UCHL1: variants seen among roughly 807,000 people sequenced by gnomAD.
The protein encoded by UCHL1 is ubiquitin C-terminal hydrolase L1.
Under a neutral mutation model 33.3 loss-of-function variants are expected in UCHL1, and 5 were observed. The ratio of observed to expected loss-of-function variants is 0.15; its 90% confidence interval spans 0.08 to 0.32. The LOEUF is 0.32. UCHL1 is among the 10% of genes least tolerant of loss of function. The pLI, the probability that UCHL1 is intolerant of heterozygous loss-of-function variation, is 1.00. For missense variants in UCHL1, 236 were observed against 280.0 expected, an observed-to-expected ratio of 0.84 and a Z score of 1.12; for synonymous variants, 132 against 108.8, an observed-to-expected ratio of 1.21 and a Z score of -1.33.
chr4:41,257,823 C>T (rs1252906905), intron 3 of UCHL1, 86 bp downstream of exon 3: 3 of 1,497,080 alleles, frequency 2.0e-6, no homozygotes, highest in Non-Finnish European at 1.8e-6. Context: ...CCGCCCCGCC[C>T]CCTCCCCTGT....
At chr4:41,264,213 A>C in intron 8 of UCHL1, 52 bp downstream of exon 8, 1 of 1,610,442 alleles carries the variant, frequency 6.2e-7, no homozygotes, top group Non-Finnish European at 8.5e-7. Flanking sequence ...TCTTTGGCTA[A>C]ATTTTCTATT....
In UCHL1 at chr4:41,268,032, G is replaced by C; in HGVS notation, c.631G>C (p.Glu211Gln). ...AGAATTCACCGAGCGTGAGCAAGGA[G>C]AAGTCCGCTTCTCTGCCGTGGCTCT... is the stretch of plus-strand genomic sequence containing the variant. ...CREFTEREQG[E>Q]VRFSAVALCK... Residue 211 changes from glutamate to glutamine, a missense_variant, in exon 9 of 9, where the codon GAA (glutamate) becomes CAA (glutamine). By Grantham distance (29) the Glu-to-Gln change is conservative. Coordinates refer to ENST00000284440, the MANE Select transcript of UCHL1 (RefSeq NM_004181.5). The C allele has an allele frequency of 1.2e-6, 2 of 1,613,722 alleles. No homozygotes were observed. The highest frequency in any genetic ancestry group is 1.7e-6 in the Non-Finnish European group (2 of 1,179,878).
rs1780984602 is a variant in UCHL1, at chr4:41,256,987, A to G, written c.11A>G (p.Lys4Arg). Residue 4 changes from lysine to arginine, a missense_variant, in exon 1 of 9, where the codon AAG becomes AGG. Coordinates refer to ENST00000284440, the MANE Select transcript of UCHL1 (RefSeq NM_004181.5). The part of the protein sequence containing the change: MQL[K>R]PMEINPEMLN... ...GGGCGCTCCGCGAAGATGCAGCTCA[A>G]GCCGATGGAGATCAACCCCGAGGTG... The G allele has an allele frequency of 1.9e-6, 3 of 1,614,074 alleles. No individual in the cohort carries two copies. Among genetic ancestry groups the G allele is most frequent in the Admixed American group, 3.3e-5 (2 of 60,014 alleles).
At chr4:41,266,685 A>G (rs776028347) in intron 8 of UCHL1, among the ~76,000 whole-genome samples, 1 of 152,140 alleles carries the variant, frequency 6.6e-6, no homozygotes, top group Admixed American at 6.5e-5. Flanking sequence ...CAGTGGTGCA[A>G]TCATGGCTTA....
intron 8 of UCHL1, among the ~76,000 whole-genome samples, chr4:41,267,515 G>A (rs368437882): frequency 6.6e-6 from 1 of 152,128 alleles, no homozygotes; most frequent in Non-Finnish European, 1.5e-5. Flanking sequence ...CAAAGTGCTG[G>A]GATTACAGGC....
chr4:41,257,134 G>GCGTCTCGCGC lies in UCHL1; in HGVS notation c.45+15_45+24dup, dbSNP rs781732745. On this transcript the variant is annotated intron_variant, in intron 2 of 8. Coordinates refer to ENST00000284440, the MANE Select transcript of UCHL1 (RefSeq NM_004181.5). Reference sequence around the variant, plus strand: ...TTTCAGATGCTGAACAAAGTGAGTGGCGTCTCGCGCCGTCTCTGGCCCCCT... The same window carrying GCGTCTCGCGC: ...TTTCAGATGCTGAACAAAGTGAGTGGCGTCTCGCGCCGTCTCGCGCCGTCTCTGGCCCCCT... 138 of 1,612,596 alleles carry GCGTCTCGCGC rather than the reference G, an allele frequency of 8.6e-5. No individual in the cohort carries two copies. In the African/African-American group the frequency reaches 1.5e-3, roughly 18 times the overall value.
intron 3 of UCHL1, among the ~76,000 whole-genome samples, chr4:41,258,095 C>T (rs1781012997): frequency 6.6e-6 from 1 of 152,218 alleles, no homozygotes; most frequent in Admixed American, 6.5e-5. Context: ...CCTTTAAGGG[C>T]TATAACCTGT....
chr4:41,268,329 G>A lies in UCHL1; in HGVS notation c.*256G>A, dbSNP rs886389553. The A allele has an allele frequency of 4.9e-5, 26 of 534,754 alleles. No individual in the cohort carries two copies. Among genetic ancestry groups the A allele is most frequent in the African/African-American group, 3.8e-4 (20 of 52,720 alleles). The allele number at this position is 534,754 out of a possible 1,614,324, so 33.1% of individuals were successfully genotyped here. On this transcript the variant is annotated 3_prime_UTR_variant, in exon 9 of 9. Transcript: ENST00000284440. ...GTATGTCTTGTATCCGATATCTAAC[G>A]CTTTAAATGGCTACTTTGGTTTCTG...
rs1192631070 is a variant in UCHL1 at position 41,260,784 on chromosome 4, C to T, written c.312C>T (p.Asp104=). The T allele has an allele frequency of 6.2e-7, 1 of 1,614,148 alleles. No individual in the cohort carries two copies. The change falls in exon 4 of 9, where the codon GAC becomes GAT. Residue 104 remains aspartate (D), a synonymous_variant. Transcript: ENST00000284440. ...GLIHAVANNQ[D]KLGFEDGSVL... is the part of the protein sequence containing the mutation. ...TTCACGCAGTGGCCAATAATCAAGA[C>T]AAACTGGGATTTGGTAGGTGTGGGT...
chr4:41,257,705 G>T lies in UCHL1; in HGVS notation c.142G>T (p.Ala48Ser). Residue 48 changes from alanine to serine, a missense_variant, in exon 3 of 9, where the codon GCG (alanine) becomes TCG (serine). Physicochemically the swap from Ala to Ser is moderately conservative, Grantham distance 99. Transcript: ENST00000284440. The stretch of plus-strand genomic sequence containing the variant: ...GGGCTCGGTGCCAGCGCCTGCCTGC[G>T]CGCTGCTGCTGCTGTTTCCCCTCAC... The part of the protein sequence containing the change: ...SLGSVPAPAC[A>S]LLLLFPLTAQ... 2 of 1,580,662 alleles carry T rather than the reference G, an allele frequency of 1.3e-6. No homozygotes were observed. The highest frequency in any genetic ancestry group is 8.6e-7 in the Non-Finnish European group (1 of 1,166,898).
intron 4 of UCHL1, among the ~76,000 whole-genome samples, chr4:41,261,076 CTT>C (rs1301717854): frequency 1.3e-5 from 2 of 152,160 alleles, no homozygotes; most frequent in Non-Finnish European, 2.9e-5. Flanking sequence ...ATTAGTGTCT[CTT>C]AAGCATTTTG....
Position 41,257,017 on chromosome 4 carries a change from CCAGGTG to C in UCHL1, c.33+11_33+16del. 3 of 1,614,208 alleles carry C rather than the reference CCAGGTG, an allele frequency of 1.9e-6. No individual in the cohort carries two copies. Among genetic ancestry groups the C allele is most frequent in the Admixed American group, 1.7e-5 (1 of 60,036 alleles). On this transcript the variant is annotated intron_variant, in intron 1 of 8. Coordinates refer to ENST00000284440, the MANE Select transcript of UCHL1 (RefSeq NM_004181.5). ...ATGGAGATCAACCCCGAGGTGAGCG[CCAGGTG>C]CACCGCTACCCGGAGAGCGCGAGGC...
chr4:41,267,542 G>A (rs767661507), intron 8 of UCHL1, among the ~76,000 whole-genome samples: 3 of 152,142 alleles, frequency 2.0e-5, no homozygotes, highest in Non-Finnish European at 2.9e-5. Context: ...CACTGCGCCC[G>A]GCCACGTTAA....
chr4:41,263,903 A>G (rs986548941), intron 7 of UCHL1, among the ~76,000 whole-genome samples, 200 bp from the exon 8 acceptor site: 2 of 152,206 alleles, frequency 1.3e-5, no homozygotes, highest in Non-Finnish European at 2.9e-5. Flanking sequence ...CGATCTTGTC[A>G]ATTGTAGACT....
chr4:41,257,756 G>T lies in UCHL1; in HGVS notation c.174+19G>T. On this transcript the variant is annotated intron_variant, in intron 3 of 8. Transcript: ENST00000284440. ...GGCCCAGGTAGGGCGTGGGGCCCAG[G>T]ATGCGCCGGCCGCCGGCAGTGCACG... The T allele has an allele frequency of 6.4e-7, 1 of 1,561,062 alleles. No homozygotes were observed.
At chr4:41,263,594 A>G (rs1409573442) in intron 7 of UCHL1, among the ~76,000 whole-genome samples, 1 of 152,226 alleles carries the variant, frequency 6.6e-6, no homozygotes, top group Non-Finnish European at 1.5e-5. Context: ...AATAACTTCT[A>G]TTAACTAGTT....
intron 4 of UCHL1, 104 bp downstream of exon 4, chr4:41,260,901 C>G: frequency 1.3e-6 from 2 of 1,508,624 alleles, no homozygotes; most frequent in Non-Finnish European, 1.8e-6. Context: ...CTTTTGAAAC[C>G]ATTTTGTAAT....
chr4:41,262,631 A>T (rs937181319), intron 6 of UCHL1, among the ~76,000 whole-genome samples: 16 of 94,284 alleles, frequency 1.7e-4, no homozygotes, highest in South Asian at 4.8e-4. Context: ...TGTCCTTTTT[A>T]AAAAAAAAAA....
intron 8 of UCHL1, among the ~76,000 whole-genome samples, chr4:41,264,662 AC>A (rs1420317409): frequency 6.6e-6 from 1 of 152,168 alleles, no homozygotes; most frequent in Non-Finnish European, 1.5e-5. Flanking sequence ...CCTGACAAAA[AC>A]TGTTAATATC....
Sources: gnomAD v4.1 joint callset for allele counts (sites outside exome capture counted in the v4.1 genomes callset) on GRCh38, gnomAD v4.1.1 for gene constraint, MANE v1.5 for transcripts, NCBI Gene and HGNC (gene_info 2026-07-23, HGNC 2026-07-21) for gene names.